Variants in RCSD1 observed in about 807,000 individuals in gnomAD.
The protein encoded by RCSD1 is RCSD domain containing 1, also known as capZ-interacting protein.
Under a neutral mutation model 42.5 loss-of-function variants are expected in RCSD1, and 26 were observed. The observed-to-expected ratio is 0.61, with a 90% CI of 0.45 to 0.85. The LOEUF is 0.85. RCSD1 is among the 40% of genes least tolerant of loss of function. The probability of loss-of-function intolerance (pLI) is 0.00; values close to 1 mark genes in which losing one functional copy is unlikely to be tolerated. For missense variants in RCSD1, 571 were observed against 528.3 expected (o/e 1.08, Z -0.79); for synonymous variants, 220 against 212.2 (o/e 1.04, Z -0.32).
intron 1 of RCSD1, among the ~76,000 whole-genome samples, chr1:167,663,019 A>G (rs1166240060): frequency 2.0e-5 from 3 of 152,166 alleles, no homozygotes; most frequent in African/African-American, 4.8e-5. Flanking sequence ...CTCACAGATG[A>G]AGCAGAAGGT....
chr1:167,664,564 T>C (rs1011207625), intron 1 of RCSD1: 1 of 152,250 alleles, frequency 6.6e-6, no homozygotes, highest in South Asian at 2.1e-4. Flanking sequence ...GACAAATGTA[T>C]ACAGTCATAT....
At chr1:167,668,334 C>CAA (rs1658712416) in intron 1 of RCSD1, among the ~76,000 whole-genome samples, 1 of 152,028 alleles carries the variant, frequency 6.6e-6, no homozygotes, top group African/African-American at 2.4e-5. Context: ...CTTTCAGTTC[C>CAA]TCAAACACCT....
At chr1:167,672,233 A>G (rs897017198) in intron 1 of RCSD1, among the ~76,000 whole-genome samples, 1 of 152,208 alleles carries the variant, frequency 6.6e-6, no homozygotes, top group Non-Finnish European at 1.5e-5. Context: ...AGCTCCAGTG[A>G]TAAGCAGTGA....
At position 167,653,898 on chromosome 1, in the gene RCSD1, T is replaced by G. The variant is rs945434723; in HGVS notation, c.6+23469T>G. Among the ~76,000 whole-genome samples the G allele has an allele frequency of 2.6e-5, 4 of 152,190 alleles. 1 individual carries two copies. In the South Asian group the frequency reaches 8.3e-4, roughly 32 times the overall value. ...GACACAGAGGCAGGAAAATGCGTAA[T>G]AGGTTCAGAAGGCTGCAGGAAGTCC... On this transcript the variant is annotated intron_variant, in intron 1 of 6. Coordinates refer to ENST00000367854, the MANE Select transcript of RCSD1 (RefSeq NM_052862.4).
intron 3 of RCSD1, among the ~76,000 whole-genome samples, chr1:167,686,579 T>C (rs1457997656): frequency 6.6e-6 from 1 of 152,180 alleles, no homozygotes; most frequent in Non-Finnish European, 1.5e-5. Context: ...CTCAGAATAC[T>C]CTCTCCCCAC....
chr1:167,684,047 G>A (rs1002537834), intron 2 of RCSD1, 46 bp downstream of exon 2: 22 of 1,501,438 alleles, frequency 1.5e-5, no homozygotes, highest in Non-Finnish European at 1.8e-5. Context: ...GCGGGCAGGA[G>A]GAAAGGGAAA....
intron 1 of RCSD1, among the ~76,000 whole-genome samples, chr1:167,638,119 G>A (rs1421560247): frequency 6.6e-6 from 1 of 152,128 alleles, no homozygotes; most frequent in African/African-American, 2.4e-5. Flanking sequence ...CTAAATGTAC[G>A]CTTTTCCCAC....
At chr1:167,699,865 G>A (rs576721375) in intron 6 of RCSD1, among the ~76,000 whole-genome samples, 3 of 152,224 alleles carry the variant, frequency 2.0e-5, no homozygotes, top group South Asian at 2.1e-4. Flanking sequence ...TCTTACCCAC[G>A]GCTCAGAGCT....
chr1:167,668,247 T>C (rs1658708085), intron 1 of RCSD1, among the ~76,000 whole-genome samples: 1 of 151,128 alleles, frequency 6.6e-6, no homozygotes, highest in African/African-American at 2.4e-5. Flanking sequence ...ATTGCACCAA[T>C]GCACTCCAGC....
intron 4 of RCSD1, 90 bp from the exon 5 acceptor site, chr1:167,694,009 C>T (rs1313787217): frequency 7.8e-7 from 1 of 1,283,202 alleles, no homozygotes; most frequent in East Asian, 2.3e-5. Flanking sequence ...TAGTCTCAAC[C>T]AGGCCTGAGG....
At chr1:167,661,453 C>A (rs1422480576) in intron 1 of RCSD1, among the ~76,000 whole-genome samples, 1 of 152,214 alleles carries the variant, frequency 6.6e-6, no homozygotes, top group East Asian at 1.9e-4. Context: ...ACTGTGCTGA[C>A]CCTGGGGTGG....
chr1:167,690,064 G>A lies in RCSD1; in HGVS notation c.214G>A (p.Ala72Thr). ...QNGEEKSPPN[A>T]SHPPKFKVKS... ...TGCTCCATAGAAATCACCACCCAAT[G>A]CGAGCCACCCTCCTAAATTCAAGGT... Residue 72 changes from alanine (A) to threonine (T), a missense_variant, in exon 4 of 7, where the codon GCG becomes ACG. By Grantham distance (58) the Ala-to-Thr change is moderately conservative. Coordinates refer to ENST00000367854, the MANE Select transcript of RCSD1 (RefSeq NM_052862.4). The A allele has an allele frequency of 1.2e-6, 2 of 1,614,094 alleles. No individual in the cohort carries two copies. The highest frequency in any genetic ancestry group is 1.7e-6 in the Non-Finnish European group (2 of 1,180,008).
At chr1:167,656,191 G>A (rs1392154287) in intron 1 of RCSD1, among the ~76,000 whole-genome samples, 1 of 152,166 alleles carries the variant, frequency 6.6e-6, no homozygotes, top group Admixed American at 6.5e-5. Flanking sequence ...TTAAGGGGTT[G>A]AGTAGCTGCT....
intron 2 of RCSD1, 130 bp downstream of exon 2, chr1:167,684,131 G>A: frequency 1.4e-6 from 1 of 714,268 alleles, no homozygotes; most frequent in Non-Finnish European, 2.4e-6. Flanking sequence ...CCAGGGGCTG[G>A]AGGGGTTTCT....
Position 167,708,540 on chromosome 1 carries a change from C to T in RCSD1, c.*3844C>T, listed in dbSNP as rs540792387. Among the ~76,000 whole-genome samples, 11 of 152,162 alleles carry T rather than the reference C, an allele frequency of 7.2e-5. No individual in the cohort carries two copies. Among genetic ancestry groups the T allele is most frequent in the South Asian group, 4.2e-4 (2 of 4,812 alleles). ...AATGGGATTAGGTTTCATAAGCCAC[C>T]CAAGAAAATCAGTCTCATTATTTTA... On this transcript the variant is annotated 3_prime_UTR_variant, in exon 7 of 7. Transcript: ENST00000367854.
rs74443423 is a variant in RCSD1, at chr1:167,634,692, C to G, written c.6+4263C>G. On this transcript the variant is annotated intron_variant, in intron 1 of 6. Coordinates refer to ENST00000367854, the MANE Select transcript of RCSD1 (RefSeq NM_052862.4). Reference sequence around the variant, plus strand: ...CTGACTAAATCCTTTGTTTGTTCAACTAAATTGTAGGCACATCATGGCACT... The same window carrying G: ...CTGACTAAATCCTTTGTTTGTTCAAGTAAATTGTAGGCACATCATGGCACT... Among the ~76,000 whole-genome samples, 159 of 152,168 alleles carry G rather than the reference C, an allele frequency of 1.0e-3. 2 individuals carry two copies. The East Asian group carries it at 0.029, about 27-fold the overall frequency.
chr1:167,683,410 C>T (rs1275776243), intron 1 of RCSD1, among the ~76,000 whole-genome samples: 2 of 152,190 alleles, frequency 1.3e-5, no homozygotes, highest in Non-Finnish European at 2.9e-5. Flanking sequence ...GCTATCTGCT[C>T]TCGTGTCACT....
intron 1 of RCSD1, among the ~76,000 whole-genome samples, chr1:167,648,511 C>T (rs945265242): frequency 6.6e-6 from 1 of 152,180 alleles, no homozygotes; most frequent in Non-Finnish European, 1.5e-5. Context: ...TCCACTAAGC[C>T]GGTTTAGCAA....
At chr1:167,696,757 T>C (rs928889535) in intron 5 of RCSD1, among the ~76,000 whole-genome samples, 1 of 151,966 alleles carries the variant, frequency 6.6e-6, no homozygotes, top group Non-Finnish European at 1.5e-5. Flanking sequence ...CGGCAAGAAT[T>C]TTTTTTTAAG....
Sources: allele counts gnomAD v4.1 joint callset (sites outside exome capture counted in the v4.1 genomes callset), GRCh38; gene constraint gnomAD v4.1.1; transcripts MANE v1.5; gene names NCBI Gene and HGNC (gene_info 2026-07-23, HGNC 2026-07-21).